Variants in SCAMP1 observed in about 807,000 individuals in gnomAD.
SCAMP1 encodes secretory carrier membrane protein 1.
Under a neutral mutation model 41.8 loss-of-function variants are expected in SCAMP1, and 15 were observed. That is an observed-to-expected ratio of 0.36 (90% CI 0.24 to 0.55). The LOEUF is 0.55. Ranked by LOEUF, SCAMP1 falls within the 20% of genes least tolerant of loss-of-function variation. The pLI is 0.86. For missense variants in SCAMP1, 341 were observed against 412.6 expected, an observed-to-expected ratio of 0.83 and a Z score of 1.50; for synonymous variants, 135 against 136.8, an observed-to-expected ratio of 0.99 and a Z score of 0.09.
intron 8 of SCAMP1, among the ~76,000 whole-genome samples, chr5:78,461,590 C>T (rs976802604): frequency 1.3e-5 from 2 of 152,134 alleles, no homozygotes; most frequent in Non-Finnish European, 2.9e-5. Flanking sequence ...GAGACAGAAT[C>T]TTGCTCTGAC....
chr5:78,467,710 GA>G (rs1489091282), intron 8 of SCAMP1, among the ~76,000 whole-genome samples: 2 of 152,110 alleles, frequency 1.3e-5, no homozygotes, highest in Non-Finnish European at 2.9e-5. Context: ...TAGATGAGAT[GA>G]TTTTCTGTAT....
At chr5:78,454,710 G>A (rs1753339179) in intron 7 of SCAMP1, among the ~76,000 whole-genome samples, 1 of 152,134 alleles carries the variant, frequency 6.6e-6, no homozygotes. Context: ...AATGACTTAG[G>A]GAGGATTCCC....
At chr5:78,428,019 TAAG>T (rs1752509768) in intron 6 of SCAMP1, among the ~76,000 whole-genome samples, 1 of 152,184 alleles carries the variant, frequency 6.6e-6, no homozygotes, top group African/African-American at 2.4e-5. Context: ...AGTGGTGCCT[TAAG>T]AAGCACAAAA....
chr5:78,383,588 C>T (rs768811493), intron 1 of SCAMP1, among the ~76,000 whole-genome samples: 11 of 152,040 alleles, frequency 7.2e-5, no homozygotes, highest in Non-Finnish European at 7.4e-5. Context: ...GTCTTTGATC[C>T]ATCTTGAGTT....
intron 2 of SCAMP1, among the ~76,000 whole-genome samples, chr5:78,393,289 G>C (rs1364314444): frequency 6.6e-6 from 1 of 152,118 alleles, no homozygotes; most frequent in African/African-American, 2.4e-5. Flanking sequence ...CGATACTCCT[G>C]CCTCAGCTTT....
chr5:78,471,448 A>G (rs1287467184), intron 8 of SCAMP1, among the ~76,000 whole-genome samples: 1 of 152,162 alleles, frequency 6.6e-6, no homozygotes, highest in Non-Finnish European at 1.5e-5. Context: ...AAAAACTCAA[A>G]ACAAGAATTT....
intron 5 of SCAMP1, among the ~76,000 whole-genome samples, chr5:78,420,980 T>C (rs1405923788): frequency 1.3e-5 from 2 of 152,226 alleles, no homozygotes; most frequent in Non-Finnish European, 2.9e-5. Context: ...AAGAATGTAC[T>C]TACTATAATA....
chr5:78,372,786 T>C (rs533529495), intron 1 of SCAMP1, among the ~76,000 whole-genome samples: 1 of 152,238 alleles, frequency 6.6e-6, no homozygotes, highest in South Asian at 2.1e-4. Flanking sequence ...TACCAAAAAG[T>C]TTGAAAGTTA....
At chr5:78,386,573 T>C (rs754271131) in intron 1 of SCAMP1, among the ~76,000 whole-genome samples, 2 of 152,140 alleles carry the variant, frequency 1.3e-5, no homozygotes, top group Non-Finnish European at 2.9e-5. Context: ...ATTTATGCTT[T>C]AAGGAGATTC....
At chr5:78,460,805 C>CTT (rs1561287195) in intron 8 of SCAMP1, among the ~76,000 whole-genome samples, 3 of 38,326 alleles carry the variant, frequency 7.8e-5, no homozygotes, top group African/African-American at 2.7e-4. Context: ...TCCTTCCTTC[C>CTT]TCCCTTCCTT....
chr5:78,388,750 TATAG>T (rs750227984), intron 1 of SCAMP1, 83 bp from the exon 2 acceptor site: 3 of 671,990 alleles, frequency 4.5e-6, no homozygotes, highest in Non-Finnish European at 7.7e-6. Flanking sequence ...TGACCACAAG[TATAG>T]ATAAAGCAAA....
chr5:78,385,836 T>C (rs1751327486), intron 1 of SCAMP1, among the ~76,000 whole-genome samples: 1 of 152,130 alleles, frequency 6.6e-6, no homozygotes, highest in South Asian at 2.1e-4. Flanking sequence ...GATTTCCTTA[T>C]ATTTGTTGAG....
chr5:78,362,584 G>C (rs1429968568), intron 1 of SCAMP1, among the ~76,000 whole-genome samples: 1 of 152,204 alleles, frequency 6.6e-6, no homozygotes, highest in African/African-American at 2.4e-5. Flanking sequence ...ATTCAAGTTT[G>C]TAAAATGCAT....
chr5:78,373,548 T>C (rs1183833353), intron 1 of SCAMP1, among the ~76,000 whole-genome samples: 7 of 152,292 alleles, frequency 4.6e-5, no homozygotes, highest in Admixed American at 4.6e-4. Flanking sequence ...ATGTAAGACA[T>C]GTTTATATTC....
At chr5:78,471,877 G>A (rs371207278) in intron 8 of SCAMP1, among the ~76,000 whole-genome samples, 1 of 152,200 alleles carries the variant, frequency 6.6e-6, no homozygotes, top group East Asian at 1.9e-4. Flanking sequence ...TTTATGGGAA[G>A]CAGACTTGAA....
At chr5:78,383,627 TC>T (rs1476772059) in intron 1 of SCAMP1, among the ~76,000 whole-genome samples, 2 of 152,200 alleles carry the variant, frequency 1.3e-5, no homozygotes, top group Admixed American at 6.5e-5. Flanking sequence ...GAGATGAGGA[TC>T]CGGTTTCATT....
In SCAMP1 at chr5:78,478,198, T is replaced by C. The variant is rs1475256495; in HGVS notation, c.*2530T>C. The C allele has an allele frequency of 6.6e-6, 1 of 152,610 alleles. No individual in the cohort carries two copies. The highest frequency in any genetic ancestry group is 1.5e-5 in the Non-Finnish European group (1 of 68,000). 9.5% of individuals were successfully genotyped at this position (152,610 alleles called of 1,614,324 possible). ...AAATGCCCTCCATGTGTCCCTCTAA[T>C]GTTGCATGTTTCAGTGGGTTGGAAG... On this transcript the variant is annotated 3_prime_UTR_variant, in exon 9 of 9. Coordinates refer to ENST00000621999, the MANE Select transcript of SCAMP1 (RefSeq NM_004866.6).
At chr5:78,443,605 T>C (rs1752981347) in intron 6 of SCAMP1, among the ~76,000 whole-genome samples, 1 of 151,690 alleles carries the variant, frequency 6.6e-6, no homozygotes, top group Admixed American at 6.6e-5. Flanking sequence ...TCAGAGTCTC[T>C]TTCATTCCAG....
chr5:78,466,062 G>T (rs1370227143), intron 8 of SCAMP1, among the ~76,000 whole-genome samples: 1 of 152,218 alleles, frequency 6.6e-6, no homozygotes, highest in Non-Finnish European at 1.5e-5. Flanking sequence ...GACCATCACA[G>T]CACCATTCTT....
Sources: allele counts gnomAD v4.1 joint callset (sites outside exome capture counted in the v4.1 genomes callset), GRCh38; gene constraint gnomAD v4.1.1; transcripts MANE v1.5; gene names NCBI Gene and HGNC (gene_info 2026-07-23, HGNC 2026-07-21).